The following AGPS variants were observed in gnomAD, a reference collection of about 807,000 sequenced individuals.
AGPS encodes alkylglycerone phosphate synthase.
Under a neutral mutation model 90.7 loss-of-function variants are expected in AGPS, and 26 were observed. The observed-to-expected ratio is 0.29, with a 90% confidence interval of 0.21 to 0.40. The LOEUF is 0.40. AGPS is among the 10% of genes least tolerant of loss of function. AGPS has a pLI of 1.00. For synonymous variants in AGPS, 294 were observed against 285.3 expected (o/e 1.03, Z -0.31); for missense variants, 540 against 816.1 (o/e 0.66, Z 4.12).
At chr2:177,427,799 A>G (rs1003889544) in intron 2 of AGPS, among the ~76,000 whole-genome samples, 2 of 152,062 alleles carry the variant, frequency 1.3e-5, no homozygotes, top group Admixed American at 6.6e-5. Flanking sequence ...AAAAATATAT[A>G]TTTTGTTGTT....
intron 8 of AGPS, among the ~76,000 whole-genome samples, chr2:177,455,179 G>A (rs1353610170): frequency 2.6e-5 from 4 of 152,120 alleles, no homozygotes; most frequent in African/African-American, 9.7e-5. Flanking sequence ...TTACTTTTCA[G>A]TACTCTGCTG....
At chr2:177,453,303 C>T (rs1317856381) in intron 8 of AGPS, among the ~76,000 whole-genome samples, 3 of 150,802 alleles carry the variant, frequency 2.0e-5, no homozygotes, top group Non-Finnish European at 4.4e-5. Flanking sequence ...GAGAGTTTCA[C>T]TCTTGTTACC....
chr2:177,478,761 A>G (rs932473160), intron 10 of AGPS, among the ~76,000 whole-genome samples: 3 of 152,002 alleles, frequency 2.0e-5, no homozygotes, highest in East Asian at 1.9e-4. Context: ...GAATAATCCA[A>G]TCAAATTCAG....
At chr2:177,519,202 C>A (rs544460914) in intron 17 of AGPS, among the ~76,000 whole-genome samples, 2 of 152,116 alleles carry the variant, frequency 1.3e-5, no homozygotes, top group African/African-American at 4.8e-5. Flanking sequence ...TTCCTCTACT[C>A]ATGGATGTCT....
intron 10 of AGPS, among the ~76,000 whole-genome samples, chr2:177,477,968 C>T (rs1219357729): frequency 6.6e-6 from 1 of 152,084 alleles, no homozygotes; most frequent in Non-Finnish European, 1.5e-5. Context: ...CTCAAAAGTG[C>T]TCTTTTTTGT....
At chr2:177,513,135 C>G (rs953439438) in intron 16 of AGPS, among the ~76,000 whole-genome samples, 4 of 151,924 alleles carry the variant, frequency 2.6e-5, no homozygotes, top group African/African-American at 9.7e-5. Context: ...TGTTCTGTTA[C>G]CCAGGCTGGA....
rs557663515 is a variant in AGPS at position 177,507,790 on chromosome 2, C to T, written c.1546-180C>T. Among the ~76,000 whole-genome samples the T allele has an allele frequency of 4.6e-5, 7 of 152,324 alleles. No homozygotes were observed. In the East Asian group the frequency reaches 9.6e-4, roughly 21 times the overall value. On this transcript the variant is annotated intron_variant, in intron 15 of 19. Coordinates refer to ENST00000264167, the MANE Select transcript of AGPS (RefSeq NM_003659.4). ...AAGACAGACAAGGTTCCTTTAGTTA[C>T]GGAGGCTGCATCTCACTCCAGGGAC...
At chr2:177,467,801 G>A (rs1177858134) in intron 9 of AGPS, among the ~76,000 whole-genome samples, 1 of 151,986 alleles carries the variant, frequency 6.6e-6, no homozygotes, top group Non-Finnish European at 1.5e-5. Flanking sequence ...CAGATCTCAG[G>A]AACTATTTTT....
intron 12 of AGPS, among the ~76,000 whole-genome samples, chr2:177,494,024 G>A (rs1688343724): frequency 6.6e-6 from 1 of 152,198 alleles, no homozygotes; most frequent in Admixed American, 6.5e-5. Flanking sequence ...AGAAGAATGG[G>A]TGGTGGTCTT....
rs11354737 is a variant in AGPS, at chr2:177,491,760, T to TCC, written c.1234-1376_1234-1375dup. Among the ~76,000 whole-genome samples the TCC allele has an allele frequency of 4.9e-3, 229 of 46,452 alleles. 6 individuals are homozygous for TCC. Among genetic ancestry groups the TCC allele is most frequent in the Non-Finnish European group, 6.7e-3 (179 of 26,696 alleles). 30.5% of individuals were successfully genotyped at this position (46,452 alleles called of 152,430 possible). ...TACACTAAATGTAATATACTTTCCTTCCCCCCCCCCCCCTTTTTTTTCATT... is the reference window on the plus strand; with the variant it reads ...TACACTAAATGTAATATACTTTCCTTCCCCCCCCCCCCCCCTTTTTTTTCATT... On this transcript the variant is annotated intron_variant, in intron 11 of 19. Coordinates refer to ENST00000264167, the MANE Select transcript of AGPS (RefSeq NM_003659.4).
chr2:177,465,382 G>A (rs1029558361), intron 9 of AGPS, among the ~76,000 whole-genome samples: 10 of 152,160 alleles, frequency 6.6e-5, no homozygotes, highest in African/African-American at 2.4e-4. Context: ...GGGATTCTTG[G>A]GGTGTCACTT....
intron 8 of AGPS, among the ~76,000 whole-genome samples, chr2:177,456,876 C>T (rs572891158): frequency 6.6e-6 from 1 of 152,266 alleles, no homozygotes; most frequent in African/African-American, 2.4e-5. Flanking sequence ...CACCCCAAAT[C>T]AACAGAATAT....
At chr2:177,418,853 G>A (rs1234320726) in intron 1 of AGPS, among the ~76,000 whole-genome samples, 1 of 151,450 alleles carries the variant, frequency 6.6e-6, no homozygotes, top group Non-Finnish European at 1.5e-5. Flanking sequence ...AACATTAGTC[G>A]TGATGTTTCT....
intron 14 of AGPS, among the ~76,000 whole-genome samples, chr2:177,503,580 CAT>C (rs1039658948): frequency 1.1e-4 from 16 of 152,260 alleles, no homozygotes; most frequent in African/African-American, 3.9e-4. Flanking sequence ...GCTACTTTAA[CAT>C]AAAGCAGTTT....
intron 19 of AGPS, 47 bp downstream of exon 19, chr2:177,523,852 A>C (rs754679263): frequency 6.7e-7 from 1 of 1,486,472 alleles, no homozygotes; most frequent in Admixed American, 1.7e-5. Flanking sequence ...ACTTTAAAAA[A>C]TATTCAGTTC....
At chr2:177,498,497 A>G (rs1688472966) in intron 13 of AGPS, among the ~76,000 whole-genome samples, 1 of 150,918 alleles carries the variant, frequency 6.6e-6, no homozygotes, top group Non-Finnish European at 1.5e-5. Flanking sequence ...TTTTGGTGTA[A>G]AAGTTTCAAA....
chr2:177,464,991 T>C (rs997134867), intron 9 of AGPS, among the ~76,000 whole-genome samples: 2 of 152,208 alleles, frequency 1.3e-5, no homozygotes, highest in Non-Finnish European at 2.9e-5. Context: ...TTTAAAAATA[T>C]TCATTACAGA....
intron 17 of AGPS, among the ~76,000 whole-genome samples, chr2:177,516,483 T>C (rs1279123761): frequency 6.6e-6 from 1 of 152,182 alleles, no homozygotes; most frequent in Non-Finnish European, 1.5e-5. Context: ...GTGTCTTAAA[T>C]GATAGAGTTG....
At chr2:177,496,515 T>G (rs1428529020) in intron 12 of AGPS, among the ~76,000 whole-genome samples, 1 of 152,176 alleles carries the variant, frequency 6.6e-6, no homozygotes, top group Admixed American at 6.5e-5. Flanking sequence ...AGCGTATCTC[T>G]TACTTGTGAT....
Sources: allele counts gnomAD v4.1 joint callset (sites outside exome capture counted in the v4.1 genomes callset), GRCh38; gene constraint gnomAD v4.1.1; transcripts MANE v1.5; gene names NCBI Gene and HGNC (gene_info 2026-07-23, HGNC 2026-07-21).